Variants in IFI27L2 observed in about 807,000 individuals in gnomAD.
IFI27L2 encodes the protein interferon alpha-inducible protein 27-like protein 2.
Under a neutral mutation model 7.9 loss-of-function variants are expected in IFI27L2, and 8 were observed. That is an observed-to-expected ratio of 1.02 (90% CI 0.60 to 1.84). The LOEUF (loss-of-function observed/expected upper bound fraction) is 1.84, where lower values mean the gene tolerates loss of function less well. IFI27L2 is among the 40% of genes most tolerant of loss of function. IFI27L2 has a pLI of 0.00. For synonymous variants in IFI27L2, 56 were observed against 66.5 expected (o/e 0.84, Z 0.77); for missense variants, 190 against 165.8 (o/e 1.15, Z -0.80).
Position 94,129,274 on chromosome 14 carries a change from C to T in IFI27L2, c.25G>A (p.Ala9Thr), listed in dbSNP as rs1376372412. The T allele has an allele frequency of 3.1e-6, 5 of 1,612,234 alleles. No homozygotes were observed. Among genetic ancestry groups the T allele is most frequent in the Non-Finnish European group, 3.4e-6 (4 of 1,179,116 alleles). Residue 9 changes from alanine to threonine, a missense_variant, in exon 2 of 4, where the codon GCA becomes ACA. Coordinates refer to ENST00000238609, the MANE Select transcript of IFI27L2 (RefSeq NM_032036.3). The part of the protein sequence containing the change: MMKRAAAA[A>T]VGGALAVGAV... ...CCGGGTAACTTACCTCCTCCCACTG[C>T]AGCAGCAGCTGCCCGTTCTAGAGAG...
Position 94,128,523 on chromosome 14 carries a change from G to T in IFI27L2, c.190C>A (p.Gln64Lys). 6.2e-7 allele frequency: 1 copy of T among 1,614,060 alleles called. No homozygotes were observed. The highest frequency in any genetic ancestry group is 1.6e-4 in the Middle Eastern group (1 of 6,062). ...VSAGSLVATL[Q>K]SVGAAGLSTS... The stretch of plus-strand genomic sequence containing the variant: ...TGTCTAGGACACTTACCCACGGACT[G>T]CAGAGTAGCCACCAGGCTCCCCGCA... Residue 64 changes from glutamine (Q) to lysine (K), a missense_variant, in exon 3 of 4, where the codon CAG (glutamine) becomes AAG (lysine). Physicochemically the swap from Gln to Lys is moderately conservative, Grantham distance 53. Transcript: ENST00000238609.
At chr14:94,129,100 C>T in intron 2 of IFI27L2, 162 bp downstream of exon 2, 1 of 629,062 alleles carries the variant, frequency 1.6e-6, no homozygotes, top group Non-Finnish European at 2.9e-6. Flanking sequence ...TGGGAGTGAG[C>T]TTTTCCCTGG....
At chr14:94,128,434 G>A in intron 3 of IFI27L2, 80 bp downstream of exon 3, 1 of 1,336,344 alleles carries the variant, frequency 7.5e-7, no homozygotes, top group Non-Finnish European at 1.1e-6. Flanking sequence ...CGGAACTTCA[G>A]GGTGAGAAGA....
chr14:94,128,421 T>C, intron 3 of IFI27L2, 93 bp downstream of exon 3: 1 of 1,155,604 alleles, frequency 8.7e-7, no homozygotes, highest in South Asian at 1.3e-5. Context: ...AAGCTGAGGG[T>C]CACGGAACTT....
chr14:94,129,181 G>A, intron 2 of IFI27L2, 81 bp downstream of exon 2: 1 of 1,145,526 alleles, frequency 8.7e-7, no homozygotes, highest in Non-Finnish European at 1.3e-6. Context: ...AGCCAGCCCA[G>A]CGCCTCATCT....
chr14:94,128,675 G>C lies in IFI27L2; in HGVS notation c.38C>G (p.Ala13Gly). ...KRAAAAAVGG[A>G]LAVGAVPVVL... ...CACGGGCACAGCCCCCACTGCCAGG[G>C]CTGTGGGGAGAGAGAAGCTGAGTGC... is the stretch of plus-strand genomic sequence containing the variant. The change falls in exon 3 of 4, where the codon GCC (alanine) becomes GGC (glycine). Residue 13 changes from alanine (A) to glycine (G), a missense_variant and splice_region_variant. By Grantham distance (60) the Ala-to-Gly change is moderately conservative. Coordinates refer to ENST00000238609, the MANE Select transcript of IFI27L2 (RefSeq NM_032036.3). 6.2e-7 allele frequency: 1 copy of C among 1,609,980 alleles called. No individual in the cohort carries two copies. The highest frequency in any genetic ancestry group is 8.5e-7 in the Non-Finnish European group (1 of 1,178,048).
Position 94,128,939 on chromosome 14 carries a change from T to C in IFI27L2, c.38-264A>G. On this transcript the variant is annotated intron_variant, in intron 2 of 3. Transcript: ENST00000238609. ...AGGAAGTCAATACCCTTCATTGGTCTCAAATTTGTGTGTGTGTGTGTGTGT... is the reference window on the plus strand; with the variant it reads ...AGGAAGTCAATACCCTTCATTGGTCCCAAATTTGTGTGTGTGTGTGTGTGT... 5.2e-6 allele frequency: 3 copies of C among 580,974 alleles called. No homozygotes were observed. In the East Asian group the frequency reaches 8.3e-5, roughly 16 times the overall value. The allele number at this position is 580,974 out of a possible 1,614,324, so 36.0% of individuals were successfully genotyped here.
At chr14:94,128,768 G>C (rs1009742697) in intron 2 of IFI27L2, 93 bp from the exon 3 acceptor site, 46 of 1,084,704 alleles carry the variant, frequency 4.2e-5, no homozygotes, top group Non-Finnish European at 5.8e-5. Flanking sequence ...ACAGTTTCCG[G>C]AGACTGTCAG....
chr14:94,128,943 ATTTGTG>A, intron 2 of IFI27L2: 1 of 567,678 alleles, frequency 1.8e-6, no homozygotes, highest in African/African-American at 2.3e-5. Flanking sequence ...TTGGTCTCAA[ATTTGTG>A]TGTGTGTGTG....
In IFI27L2 at chr14:94,127,930, C is replaced by T; in HGVS notation, c.262G>A (p.Ala88Thr). 2 of 1,613,754 alleles carry T rather than the reference C, an allele frequency of 1.2e-6. No individual in the cohort carries two copies. Among genetic ancestry groups the T allele is most frequent in the Non-Finnish European group, 1.7e-6 (2 of 1,179,732 alleles). ...GAAGAAGGTGAATTCCCCAAGCAGG[C>T]CCCCAACACTGACCCAACAGAGGCC... ...LLASVGSVLG[A>T]CLGNSPSSSL... Residue 88 changes from alanine to threonine, a missense_variant, in exon 4 of 4, where the codon GCC becomes ACC. Transcript: ENST00000238609.
intron 1 of IFI27L2, 121 bp from the exon 2 acceptor site, chr14:94,129,412 AG>A: frequency 1.4e-6 from 1 of 734,468 alleles, no homozygotes; most frequent in Non-Finnish European, 2.3e-6. Context: ...AGGGAAGGGG[AG>A]GGAGGAAGGG....
chr14:94,129,356 G>T, intron 1 of IFI27L2, 65 bp from the exon 2 acceptor site: 2 of 1,332,708 alleles, frequency 1.5e-6, no homozygotes, highest in East Asian at 2.3e-5. Flanking sequence ...GAGAGAGAAG[G>T]GCAGAAAGGG....
At chr14:94,128,849 A>C in intron 2 of IFI27L2, 174 bp from the exon 3 acceptor site, 1 of 614,388 alleles carries the variant, frequency 1.6e-6, no homozygotes, top group Non-Finnish European at 2.9e-6. Context: ...AGCCAGGTGA[A>C]GCAAAGATGT....
rs755344933 is a variant in IFI27L2, at chr14:94,128,528, G to T, written c.185C>A (p.Thr62Asn). ...GGVSAGSLVATLQSVGAAGLS... is the reference protein window; with the variant it reads ...GGVSAGSLVANLQSVGAAGLS... ...AGGACACTTACCCACGGACTGCAGA[G>T]TAGCCACCAGGCTCCCCGCAGAAAC... The change falls in exon 3 of 4, where the codon ACT becomes AAT. Residue 62 changes from threonine to asparagine, a missense_variant. Transcript: ENST00000238609. 41 of 1,614,168 alleles carry T rather than the reference G, an allele frequency of 2.5e-5. No individual in the cohort carries two copies. Among genetic ancestry groups the T allele is most frequent in the Non-Finnish European group, 3.5e-5 (41 of 1,179,980 alleles).
At chr14:94,128,382 GA>G in intron 3 of IFI27L2, 131 bp downstream of exon 3, 1 of 759,766 alleles carries the variant, frequency 1.3e-6, no homozygotes, top group Non-Finnish European at 2.2e-6. Flanking sequence ...CAGAAGAGGG[GA>G]CAGTGAGGGA....
Position 94,128,536 on chromosome 14 carries a change from C to T in IFI27L2, c.177G>A (p.Leu59=), listed in dbSNP as rs748275155. The T allele has an allele frequency of 6.2e-7, 1 of 1,614,186 alleles. No individual in the cohort carries two copies. The highest frequency in any genetic ancestry group is 8.5e-7 in the Non-Finnish European group (1 of 1,180,020). ...TACCCACGGACTGCAGAGTAGCCAC[C>T]AGGCTCCCCGCAGAAACACCACCCC... is the stretch of plus-strand genomic sequence containing the variant. The part of the protein sequence containing the change: ...ANGGGVSAGS[L]VATLQSVGAA... The change falls in exon 3 of 4, where the codon CTG becomes CTA. Residue 59 remains leucine, a synonymous_variant. Coordinates refer to ENST00000238609, the MANE Select transcript of IFI27L2 (RefSeq NM_032036.3).
rs779604163 is a variant in IFI27L2, at chr14:94,129,595, A to G, written c.-31T>C. 2.5e-6 allele frequency: 4 copies of G among 1,612,328 alleles called. No homozygotes were observed. In the South Asian group the frequency reaches 4.4e-5, roughly 18 times the overall value. ...GGCCGTCCGGGTCCCAACTTGGCCC[A>G]GGAAATGACAGCGTTCTTGGGGTGT... On this transcript the variant is annotated 5_prime_UTR_variant, in exon 1 of 4. Transcript: ENST00000238609.
intron 1 of IFI27L2, 88 bp downstream of exon 1, chr14:94,129,470 G>T: frequency 7.7e-7 from 1 of 1,299,524 alleles, no homozygotes; most frequent in Non-Finnish European, 1.1e-6. Context: ...GTCAGGGAAT[G>T]AAGCTATTCC....
Position 94,127,923 on chromosome 14 carries a change from A to G in IFI27L2, c.269T>C (p.Leu90Ser). 1 of 1,613,902 alleles carries G rather than the reference A, an allele frequency of 6.2e-7. No homozygotes were observed. Among genetic ancestry groups the G allele is most frequent in the Non-Finnish European group, 8.5e-7 (1 of 1,179,834 alleles). ...GAGAGAAGAAGAAGGTGAATTCCCCAAGCAGGCCCCCAACACTGACCCAAC... is the reference window on the plus strand; with the variant it reads ...GAGAGAAGAAGAAGGTGAATTCCCCGAGCAGGCCCCCAACACTGACCCAAC... ...ASVGSVLGAC[L>S]GNSPSSSLPA... The change falls in exon 4 of 4, where the codon TTG becomes TCG. Residue 90 changes from leucine (L) to serine (S), a missense_variant. Physicochemically the swap from Leu to Ser is moderately radical, Grantham distance 145 (BLOSUM62 -2). Transcript: ENST00000238609.
Sources: gnomAD v4.1 joint callset for allele counts on GRCh38, gnomAD v4.1.1 for gene constraint, MANE v1.5 for transcripts, NCBI Gene and HGNC (gene_info 2026-07-23, HGNC 2026-07-21) for gene names.